The following NLGN1 variants were observed in gnomAD, a reference collection of about 807,000 sequenced individuals.
The protein encoded by NLGN1 is neuroligin-1.
In NLGN1, 12 loss-of-function variants were observed where a neutral mutation model predicts 65.5. That is an observed-to-expected ratio of 0.18 (90% CI 0.12 to 0.30). NLGN1 has a LOEUF of 0.30. Ranked by LOEUF, NLGN1 falls within the 10% of genes least tolerant of loss-of-function variation. NLGN1 has a pLI of 1.00. For synonymous variants in NLGN1, 350 were observed against 359.5 expected, an observed-to-expected ratio of 0.97 and a Z score of 0.30; for missense variants, 750 against 1,007.1, an observed-to-expected ratio of 0.74 and a Z score of 3.46.
intron 4 of NLGN1, among the ~76,000 whole-genome samples, chr3:174,142,658 A>G (rs1722519089): frequency 6.6e-6 from 1 of 151,596 alleles, no homozygotes; most frequent in Non-Finnish European, 1.5e-5. Context: ...ACAAAGAACT[A>G]AAACATAGCA....
intron 2 of NLGN1, among the ~76,000 whole-genome samples, chr3:173,555,611 G>A (rs1741583234): frequency 6.6e-6 from 1 of 152,010 alleles, no homozygotes; most frequent in South Asian, 2.1e-4. Context: ...TCCCAAGTAG[G>A]TGGATGTGCA....
intron 4 of NLGN1, among the ~76,000 whole-genome samples, chr3:173,875,405 A>G (rs532643237): frequency 2.0e-5 from 3 of 152,198 alleles, no homozygotes; most frequent in Admixed American, 6.5e-5. Flanking sequence ...TGTAAAAGGG[A>G]TATAATAAAA....
Position 173,814,265 on chromosome 3 carries a change from G to A in NLGN1, c.646+6433G>A, listed in dbSNP as rs549454281. On this transcript the variant is annotated intron_variant, in intron 4 of 6. Coordinates refer to ENST00000457714, the Ensembl canonical transcript of NLGN1. Reference sequence around the variant, plus strand: ...ATATTTGGTGATTTCACTTATAATAGGATAGAGCTAAAATACAATTTAGAG... The same window carrying A: ...ATATTTGGTGATTTCACTTATAATAAGATAGAGCTAAAATACAATTTAGAG... Among the ~76,000 whole-genome samples the A allele has an allele frequency of 9.8e-5, 15 of 152,348 alleles. No homozygotes were observed. The South Asian group carries it at 2.3e-3, about 23-fold the overall frequency.
At chr3:173,849,949 T>G (rs1726572297) in intron 4 of NLGN1, among the ~76,000 whole-genome samples, 1 of 152,298 alleles carries the variant, frequency 6.6e-6, no homozygotes, top group East Asian at 1.9e-4. Flanking sequence ...TATATTTATC[T>G]GAGGTAATGT....
At chr3:173,556,325 C>G (rs1741700300) in intron 2 of NLGN1, among the ~76,000 whole-genome samples, 1 of 152,126 alleles carries the variant, frequency 6.6e-6, no homozygotes, top group African/African-American at 2.4e-5. Flanking sequence ...CTTTTTCTAA[C>G]TTATTGATTC....
intron 3 of NLGN1, among the ~76,000 whole-genome samples, chr3:173,739,422 A>G (rs1774283401): frequency 6.6e-6 from 1 of 152,130 alleles, no homozygotes; most frequent in Non-Finnish European, 1.5e-5. Context: ...CCAGGCTGTG[A>G]CAACTAACCT....
downstream of NLGN1, among the ~76,000 whole-genome samples, chr3:174,291,293 C>T (rs1315914780): frequency 6.6e-6 from 1 of 150,558 alleles, no homozygotes; most frequent in Non-Finnish European, 1.5e-5. Context: ...AAAAAGAAAA[C>T]CAAAACAAGG....
intron 2 of NLGN1, among the ~76,000 whole-genome samples, chr3:173,542,981 AC>A (rs1329282076): frequency 6.6e-6 from 1 of 152,076 alleles, no homozygotes; most frequent in Admixed American, 6.6e-5. Flanking sequence ...CATGTCTTCA[AC>A]TTTTATTTCA....
At chr3:173,728,364 G>C (rs1281259121) in intron 3 of NLGN1, among the ~76,000 whole-genome samples, 1 of 152,080 alleles carries the variant, frequency 6.6e-6, no homozygotes, top group African/African-American at 2.4e-5. Flanking sequence ...TACCAGTCTA[G>C]GTGGACTTTG....
At chr3:174,152,823 A>G (rs1039917327) in intron 4 of NLGN1, among the ~76,000 whole-genome samples, 1 of 152,162 alleles carries the variant, frequency 6.6e-6, no homozygotes, top group East Asian at 1.9e-4. Flanking sequence ...GATACTTAAT[A>G]TAACACGATA....
At position 173,772,291 on chromosome 3, in the gene NLGN1, A is replaced by T. The variant is rs191429384; in HGVS notation, c.494-35389A>T. Among the ~76,000 whole-genome samples the T allele has an allele frequency of 8.5e-5, 13 of 152,150 alleles. No homozygotes were observed. The East Asian group carries it at 2.5e-3, about 29-fold the overall frequency. On this transcript the variant is annotated intron_variant, in intron 3 of 6. Coordinates refer to ENST00000457714, the Ensembl canonical transcript of NLGN1. ...AATTTGTTCACATTTTCTCATATTC[A>T]GTCATGAAGTTTTAGAAGCTACTCA...
chr3:173,844,070 T>C (rs1326168849), intron 4 of NLGN1, among the ~76,000 whole-genome samples: 3 of 152,088 alleles, frequency 2.0e-5, no homozygotes, highest in East Asian at 1.9e-4. Flanking sequence ...GCAAGGAAGA[T>C]AAGCTTGTGC....
At chr3:173,596,656 A>ATAG (rs59731789) in intron 2 of NLGN1, among the ~76,000 whole-genome samples, 3 of 2,326 alleles carry the variant, frequency 1.3e-3, no homozygotes, top group Non-Finnish European at 3.4e-3. Context: ...TGCTCATGGC[A>ATAG]GAGTAAACTT....
At chr3:173,700,249 C>T (rs954969575) in intron 3 of NLGN1, among the ~76,000 whole-genome samples, 13 of 152,118 alleles carry the variant, frequency 8.5e-5, no homozygotes, top group African/African-American at 3.1e-4. Context: ...CATTTTCTTA[C>T]TTTTTATACC....
intron 4 of NLGN1, among the ~76,000 whole-genome samples, chr3:174,034,164 T>C (rs1033382600): frequency 6.6e-6 from 1 of 152,244 alleles, no homozygotes; most frequent in African/African-American, 2.4e-5. Context: ...GTGAAGCATT[T>C]AGTGCTGAAA....
intron 3 of NLGN1, among the ~76,000 whole-genome samples, chr3:173,700,497 T>G (rs1489122108): frequency 6.6e-6 from 1 of 152,078 alleles, no homozygotes; most frequent in Non-Finnish European, 1.5e-5. Context: ...AGCTGAACAG[T>G]AGTGGTTTAT....
chr3:173,528,420 A>G (rs1327473962), intron 2 of NLGN1, among the ~76,000 whole-genome samples: 1 of 152,070 alleles, frequency 6.6e-6, no homozygotes, highest in Non-Finnish European at 1.5e-5. Context: ...TGCCTTGATG[A>G]TATTCATCTA....
At position 173,727,432 on chromosome 3, in the gene NLGN1, C is replaced by G. The variant is rs554346596; in HGVS notation, c.494-80248C>G. ...ACTCTTGTAAAATAATAGATTCTTG[C>G]AAATATCTTTCATTATGCCTGCCAC... On this transcript the variant is annotated intron_variant, in intron 3 of 6. Transcript: ENST00000457714. Among the ~76,000 whole-genome samples, 8 of 152,198 alleles carry G rather than the reference C, an allele frequency of 5.3e-5. No homozygotes were observed. In the East Asian group the frequency reaches 1.4e-3, roughly 26 times the overall value.
intron 4 of NLGN1, among the ~76,000 whole-genome samples, chr3:174,003,050 T>A (rs1202707238): frequency 6.6e-6 from 1 of 152,000 alleles, no homozygotes; most frequent in Non-Finnish European, 1.5e-5. Context: ...AAGTTGAGGA[T>A]GAGTGAGGCT....
Sources: gnomAD v4.1 joint callset for allele counts (sites outside exome capture counted in the v4.1 genomes callset) on GRCh38, gnomAD v4.1.1 for gene constraint, MANE v1.5 for transcripts, NCBI Gene and HGNC (gene_info 2026-07-23, HGNC 2026-07-21) for gene names.